The following FSIP2 variants were observed in gnomAD, a reference collection of about 807,000 sequenced individuals.
The protein encoded by FSIP2 is fibrous sheath-interacting protein 2.
In FSIP2, 367 loss-of-function variants were observed where a neutral mutation model predicts 510.5. That is an observed-to-expected ratio of 0.72 (90% CI 0.66 to 0.78). FSIP2 has a LOEUF of 0.78. FSIP2 is among the 30% of genes least tolerant of loss of function. The pLI is 0.00. For synonymous variants in FSIP2, 2,601 were observed against 2,732.2 expected (o/e 0.95, Z 1.50); for missense variants, 7,594 against 7,901.7 (o/e 0.96, Z 1.48).
At position 185,790,436 on chromosome 2, in the gene FSIP2, T is replaced by G. The variant is rs1354585989; in HGVS notation, c.3300T>G (p.His1100Gln). 7 of 1,532,970 alleles carry G rather than the reference T, an allele frequency of 4.6e-6. No individual in the cohort carries two copies. Among genetic ancestry groups the G allele is most frequent in the Non-Finnish European group, 3.5e-6 (4 of 1,145,298 alleles). The allele number at this position is 1,532,970 out of a possible 1,614,324, so 95.0% of individuals were successfully genotyped here. Residue 1100 changes from histidine (H) to glutamine (Q), a missense_variant, in exon 16 of 23, where the codon CAT becomes CAG. Transcript: ENST00000424728. ...DISTFSQDQK[H>Q]QIEKASENIV... ...CAACTTTCAGCCAAGATCAAAAGCA[T>G]CAAATAGAAAAGGCTTCAGAAAACA...
chr2:185,817,648 T>C (rs1693849150), intron 19 of FSIP2, among the ~76,000 whole-genome samples: 1 of 152,002 alleles, frequency 6.6e-6, no homozygotes, highest in South Asian at 2.1e-4. Context: ...GGCTTCTTTA[T>C]TATTTCAAAT....
intron 17 of FSIP2, among the ~76,000 whole-genome samples, chr2:185,810,460 G>A (rs557194433): frequency 1.3e-5 from 2 of 150,988 alleles, no homozygotes; most frequent in Admixed American, 1.3e-4. Flanking sequence ...ATGATTGGAA[G>A]CTTCTTCAGG....
rs556642497 is a variant in FSIP2 at position 185,786,749 on chromosome 2, G to A, written c.1506+461G>A. On this transcript the variant is annotated intron_variant, in intron 15 of 22. Transcript: ENST00000424728. Reference sequence around the variant, plus strand: ...ACTTGGAACAGGCAAAGATAAGATCGTGTATTTTTATGAGGCCTAACTCTG... The same window carrying A: ...ACTTGGAACAGGCAAAGATAAGATCATGTATTTTTATGAGGCCTAACTCTG... Among the ~76,000 whole-genome samples the A allele has an allele frequency of 5.9e-5, 9 of 151,928 alleles. No individual in the cohort carries two copies. The South Asian group carries it at 1.2e-3, about 21-fold the overall frequency.
chr2:185,767,422 C>T (rs1559016991), intron 13 of FSIP2, among the ~76,000 whole-genome samples: 2 of 152,130 alleles, frequency 1.3e-5, no homozygotes, highest in Non-Finnish European at 2.9e-5. Flanking sequence ...TACATTAGAT[C>T]TTCCACACTT....
intron 17 of FSIP2, among the ~76,000 whole-genome samples, chr2:185,812,942 C>G (rs993648425): frequency 6.6e-6 from 1 of 151,904 alleles, no homozygotes; most frequent in Non-Finnish European, 1.5e-5. Flanking sequence ...TTATAATTGT[C>G]TTTTCTTTGA....
At chr2:185,766,518 G>T (rs1351486064) in intron 13 of FSIP2, 4 of 147,636 alleles carry the variant, frequency 2.7e-5, no homozygotes, top group Admixed American at 6.7e-5. Context: ...GACATGAACA[G>T]ACACTTCTCA....
chr2:185,792,717 G>A lies in FSIP2; in HGVS notation c.5581G>A (p.Glu1861Lys), dbSNP rs756341161. 7 of 1,533,972 alleles carry A rather than the reference G, an allele frequency of 4.6e-6. No homozygotes were observed. The South Asian group carries it at 8.3e-5, about 18-fold the overall frequency. Residue 1861 changes from glutamate (E) to lysine (K), a missense_variant, in exon 16 of 23, where the codon GAA becomes AAA. Glu to Lys is a moderately conservative substitution (Grantham distance 56, BLOSUM62 1). Coordinates refer to ENST00000424728, the MANE Select transcript of FSIP2 (RefSeq NM_173651.4). ...CAAACTTTATTCAGCTGCCATGACA[G>A]AAAGAAATGTAAGGGAAAATAGGTA... ...FHKLYSAAMT[E>K]RNVRENRYKT...
rs1559027334 is a variant in FSIP2 at position 185,792,664 on chromosome 2, C to T, written c.5528C>T (p.Thr1843Ile). 2.0e-6 allele frequency: 3 copies of T among 1,533,580 alleles called. No homozygotes were observed. Among genetic ancestry groups the T allele is most frequent in the Non-Finnish European group, 2.6e-6 (3 of 1,145,124 alleles). The allele number at this position is 1,533,580 out of a possible 1,614,324, so 95.0% of individuals were successfully genotyped here. A position where few individuals can be genotyped will look rare whatever the true frequency, so the allele number is the denominator to read the frequency against. Reference protein sequence around the residue: ...LLSEADITIVTDNIVRTVFHK... With the variant: ...LLSEADITIVIDNIVRTVFHK... Reference sequence around the variant, plus strand: ...TCGGAAGCAGATATAACCATAGTAACAGATAATATTGTTAGGACTGTATTT... The same window carrying T: ...TCGGAAGCAGATATAACCATAGTAATAGATAATATTGTTAGGACTGTATTT... The change falls in exon 16 of 23, where the codon ACA (threonine) becomes ATA (isoleucine). Residue 1843 changes from threonine (T) to isoleucine (I), a missense_variant. Thr to Ile is a moderately conservative substitution (Grantham distance 89, BLOSUM62 -1). Coordinates refer to ENST00000424728, the MANE Select transcript of FSIP2 (RefSeq NM_173651.4).
intron 19 of FSIP2, among the ~76,000 whole-genome samples, chr2:185,819,815 G>T (rs567866962): frequency 1.5e-4 from 21 of 144,714 alleles, no homozygotes; most frequent in African/African-American, 5.1e-4. Context: ...TGGTAGGTTA[G>T]ATGTGTTAAA....
chr2:185,742,073 T>C (rs773310447), intron 2 of FSIP2, among the ~76,000 whole-genome samples: 1 of 152,182 alleles, frequency 6.6e-6, no homozygotes, highest in Admixed American at 6.5e-5. Context: ...CCATATTACC[T>C]ACATACTCCA....
intron 14 of FSIP2, among the ~76,000 whole-genome samples, chr2:185,784,643 AT>A (rs1251209784): frequency 1.3e-5 from 2 of 152,126 alleles, no homozygotes; most frequent in African/African-American, 4.8e-5. Flanking sequence ...AGATAAAACT[AT>A]GTTGCTATGA....
At chr2:185,751,844 C>A (rs1692154655) in intron 7 of FSIP2, among the ~76,000 whole-genome samples, 1 of 145,362 alleles carries the variant, frequency 6.9e-6, no homozygotes. Flanking sequence ...AAGAGCTTTA[C>A]AGTATTATGC....
chr2:185,820,967 A>G (rs562652991), intron 19 of FSIP2, among the ~76,000 whole-genome samples: 34 of 150,540 alleles, frequency 2.3e-4, no homozygotes, highest in African/African-American at 7.5e-4. Flanking sequence ...AATAGAGAAT[A>G]AAAACAGTAG....
rs1416724910 is a variant in FSIP2, at chr2:185,790,658, G to A, written c.3522G>A (p.Val1174=). ...STVAQEITDS[V]LNILHKASNY... ...TGGCTCAAGAAATAACAGATTCTGT[G>A]TTAAACATACTTCATAAGGCATCAA... Residue 1174 remains valine (V), a synonymous_variant, in exon 16 of 23, where the codon GTG becomes GTA. Coordinates refer to ENST00000424728, the MANE Select transcript of FSIP2 (RefSeq NM_173651.4). The A allele has an allele frequency of 2.0e-6, 3 of 1,533,928 alleles. No individual in the cohort carries two copies. Among genetic ancestry groups the A allele is most frequent in the Non-Finnish European group, 2.6e-6 (3 of 1,145,372 alleles).
At chr2:185,738,784 G>A (rs1467937957), upstream of FSIP2, 1 of 1,536,008 alleles carries the variant, frequency 6.5e-7, no homozygotes, top group South Asian at 1.2e-5. Flanking sequence ...GGGCGGGGCT[G>A]AGGTCGTTGG....
Position 185,803,728 on chromosome 2 carries a change from T to C in FSIP2, c.14422T>C (p.Leu4808=). 1 of 1,533,024 alleles carries C rather than the reference T, an allele frequency of 6.5e-7. No individual in the cohort carries two copies. The highest frequency in any genetic ancestry group is 8.7e-7 in the Non-Finnish European group (1 of 1,144,838). 95.0% of individuals were successfully genotyped at this position (1,533,024 alleles called of 1,614,324 possible). Residue 4808 remains leucine (L), a synonymous_variant, in exon 17 of 23, where the codon TTG becomes CTG. Coordinates refer to ENST00000424728, the MANE Select transcript of FSIP2 (RefSeq NM_173651.4). The part of the protein sequence containing the change: ...VTQLTSQISP[L]NTSAEQSDTT... Reference sequence around the variant, plus strand: ...TCAGCTTACATCTCAGATAAGTCCATTGAACACCAGTGCAGAGCAGTCAGA... The same window carrying C: ...TCAGCTTACATCTCAGATAAGTCCACTGAACACCAGTGCAGAGCAGTCAGA...
Position 185,789,704 on chromosome 2 carries a change from T to G in FSIP2, c.2568T>G (p.His856Gln). 1.3e-6 allele frequency: 2 copies of G among 1,534,324 alleles called. No individual in the cohort carries two copies. Among genetic ancestry groups the G allele is most frequent in the East Asian group, 4.9e-5 (2 of 40,852 alleles). ...CAAATAAGCTTTCCTGCCAGCAACA[T>G]AAGACAGACCCAATATGTATGTTCC... ...KDTNKLSCQQ[H>Q]KTDPICMFLQ... Residue 856 changes from histidine to glutamine, a missense_variant, in exon 16 of 23, where the codon CAT (histidine) becomes CAG (glutamine). Transcript: ENST00000424728.
At chr2:185,754,379 C>A (rs1692202600) in intron 8 of FSIP2, among the ~76,000 whole-genome samples, 2 of 151,346 alleles carry the variant, frequency 1.3e-5, no homozygotes, top group African/African-American at 4.8e-5. Context: ...GGCCAGAATG[C>A]AAAAATGTAG....
Position 185,796,917 on chromosome 2 carries a change from A to T in FSIP2, c.9781A>T (p.Asn3261Tyr). 6.5e-7 allele frequency: 1 copy of T among 1,534,960 alleles called. No homozygotes were observed. The highest frequency in any genetic ancestry group is 1.4e-5 in the African/African-American group (1 of 73,040). Residue 3261 changes from asparagine to tyrosine, a missense_variant, in exon 16 of 23, where the codon AAT (asparagine) becomes TAT (tyrosine). Physicochemically the swap from Asn to Tyr is moderately radical, Grantham distance 143. Transcript: ENST00000424728. ...FGSFDQTMKG[N>Y]SYLPEGSFLQ... ...TAGTTTTGATCAGACCATGAAAGGAAATAGCTACCTCCCTGAAGGCAGTTT... is the reference window on the plus strand; with the variant it reads ...TAGTTTTGATCAGACCATGAAAGGATATAGCTACCTCCCTGAAGGCAGTTT...
Sources: gnomAD v4.1 joint callset for allele counts (sites outside exome capture counted in the v4.1 genomes callset) on GRCh38, gnomAD v4.1.1 for gene constraint, MANE v1.5 for transcripts, NCBI Gene and HGNC (gene_info 2026-07-23, HGNC 2026-07-21) for gene names.